Variants in PLAA observed in about 807,000 individuals in gnomAD.
PLAA encodes phospholipase A2 activating protein, also known as phospholipase A-2-activating protein.
A neutral mutation model predicts 84.1 loss-of-function variants in PLAA; 48 were observed. That is an observed-to-expected ratio of 0.57 (90% CI 0.45 to 0.73). The LOEUF (loss-of-function observed/expected upper bound fraction) is 0.73. Ranked by LOEUF, PLAA falls within the 30% of genes least tolerant of loss-of-function variation. The pLI, the probability that PLAA is intolerant of heterozygous loss-of-function variation, is 0.00. For synonymous variants in PLAA, 392 were observed against 336.6 expected, an observed-to-expected ratio of 1.16 and a Z score of -1.80; for missense variants, 903 against 954.7, an observed-to-expected ratio of 0.95 and a Z score of 0.71.
At chr9:26,921,218 T>C (rs2131382943) in intron 7 of PLAA, among the ~76,000 whole-genome samples, 1 of 152,322 alleles carries the variant, frequency 6.6e-6, no homozygotes, top group Non-Finnish European at 1.5e-5. Flanking sequence ...ATTTGCTCCT[T>C]TCCCTCTTTA....
intron 10 of PLAA, 23 bp from the exon 11 acceptor site, chr9:26,913,970 G>C: frequency 6.6e-7 from 1 of 1,523,018 alleles, no homozygotes; most frequent in Non-Finnish European, 9.1e-7. Context: ...AATACTCCTA[G>C]TAAGCAAAGG....
chr9:26,945,467 T>C (rs1175677286), intron 1 of PLAA, among the ~76,000 whole-genome samples: 1 of 152,234 alleles, frequency 6.6e-6, no homozygotes, highest in Non-Finnish European at 1.5e-5. Context: ...GTTAGATCTT[T>C]AGAGATCATC....
At chr9:26,920,117 G>T in intron 8 of PLAA, 110 bp downstream of exon 8, 3 of 805,288 alleles carry the variant, frequency 3.7e-6, no homozygotes, top group Non-Finnish European at 5.9e-6. Flanking sequence ...CCACAGTAAT[G>T]GATTTTTAAA....
At chr9:26,927,274 C>G (rs1043359476) in intron 4 of PLAA, among the ~76,000 whole-genome samples, 1 of 151,908 alleles carries the variant, frequency 6.6e-6, no homozygotes, top group Non-Finnish European at 1.5e-5. Context: ...GTGTGCATCA[C>G]CACTCCTGGC....
At chr9:26,945,041 C>T (rs1275056058) in intron 1 of PLAA, among the ~76,000 whole-genome samples, 1 of 152,096 alleles carries the variant, frequency 6.6e-6, no homozygotes, top group African/African-American at 2.4e-5. Flanking sequence ...GCAAGAGAAT[C>T]GCTTGAACCC....
At chr9:26,928,939 T>C (rs1387553587) in intron 2 of PLAA, among the ~76,000 whole-genome samples, 1 of 152,234 alleles carries the variant, frequency 6.6e-6, no homozygotes, top group East Asian at 1.9e-4. Flanking sequence ...GGCTCACACC[T>C]GTAATCCCTG....
intron 1 of PLAA, among the ~76,000 whole-genome samples, chr9:26,946,608 C>T (rs1310991384): frequency 2.6e-5 from 4 of 151,582 alleles, no homozygotes; most frequent in African/African-American, 9.7e-5. Context: ...CTAAAAGAAA[C>T]TTGGGAGATC....
Position 26,939,310 on chromosome 9 carries a change from C to T in PLAA, c.150-4104G>A, listed in dbSNP as rs1032452232. ...GGCTGAGGCAGGAGAATGGCGTGAA[C>T]CCAAGAGGTGGAGCTTGCAGTGAGC... On this transcript the variant is annotated intron_variant, in intron 1 of 13. Coordinates refer to ENST00000397292, the MANE Select transcript of PLAA (RefSeq NM_001031689.3). Among the ~76,000 whole-genome samples, 9 of 152,086 alleles carry T rather than the reference C, an allele frequency of 5.9e-5. No individual in the cohort carries two copies. In the South Asian group the frequency reaches 1.9e-3, roughly 32 times the overall value.
chr9:26,903,951 C>T lies in PLAA; in HGVS notation c.*1560G>A, dbSNP rs1357871886. On this transcript the variant is annotated 3_prime_UTR_variant, in exon 14 of 14. Transcript: ENST00000397292. ...AAGCAGTGTATTGTAAAGGAACCAG[C>T]CAGACCTGGGTTAAATTCCTAATTT... is the stretch of plus-strand genomic sequence containing the variant. The T allele has an allele frequency of 6.5e-6, 1 of 153,676 alleles. No individual in the cohort carries two copies. The highest frequency in any genetic ancestry group is 1.5e-5 in the Non-Finnish European group (1 of 68,018). 9.5% of individuals were successfully genotyped at this position (153,676 alleles called of 1,614,324 possible). A position where few individuals can be genotyped will look rare whatever the true frequency, so the allele number is the denominator to read the frequency against.
rs921947366 is a variant in PLAA, at chr9:26,904,604, A to G, written c.*907T>C. ...CATTTAAAGGGGTTTTAAGGATTAA[A>G]TATCAGTGTGTCTACTATTCTGCCT... On this transcript the variant is annotated 3_prime_UTR_variant, in exon 14 of 14. Transcript: ENST00000397292. 2.6e-5 allele frequency: 4 copies of G among 152,152 alleles called. No homozygotes were observed. Among genetic ancestry groups the G allele is most frequent in the Admixed American group, 1.3e-4 (2 of 15,278 alleles). 9.4% of individuals were successfully genotyped at this position (152,152 alleles called of 1,614,324 possible).
chr9:26,935,192 A>G lies in PLAA; in HGVS notation c.164T>C (p.Phe55Ser). ...LWAPDSPNRS[F>S]TEMHCMSGHS... ...GCCACTCATACAGTGCATTTCTGTA[A>G]AGCTCCTGTTTGGACTGGAAAGACA... Residue 55 changes from phenylalanine to serine, a missense_variant, in exon 2 of 14, where the codon TTT (phenylalanine) becomes TCT (serine). Transcript: ENST00000397292. The G allele has an allele frequency of 6.4e-7, 1 of 1,569,062 alleles. No homozygotes were observed. The highest frequency in any genetic ancestry group is 8.6e-7 in the Non-Finnish European group (1 of 1,163,826).
chr9:26,937,456 TAGATTA>T (rs1212299390), intron 1 of PLAA, among the ~76,000 whole-genome samples: 1 of 152,132 alleles, frequency 6.6e-6, no homozygotes, highest in Non-Finnish European at 1.5e-5. Flanking sequence ...GTTATATTAT[TAGATTA>T]AATGTTCACT....
intron 6 of PLAA, among the ~76,000 whole-genome samples, chr9:26,924,487 G>A (rs904572736): frequency 2.6e-5 from 4 of 151,874 alleles, no homozygotes; most frequent in Admixed American, 2.0e-4. Context: ...ATGATCCTTC[G>A]TCCATCTCCT....
chr9:26,937,123 C>T (rs1442196843), intron 1 of PLAA, among the ~76,000 whole-genome samples: 2 of 151,532 alleles, frequency 1.3e-5, no homozygotes, highest in Non-Finnish European at 2.9e-5. Context: ...CCTGGGGGGA[C>T]AACAGCAAGA....
intron 2 of PLAA, among the ~76,000 whole-genome samples, chr9:26,933,678 A>G (rs1342008739): frequency 6.7e-6 from 1 of 148,752 alleles, no homozygotes; most frequent in Non-Finnish European, 1.5e-5. Context: ...AGTCCCAGCT[A>G]CTCGGCAGGC....
chr9:26,938,766 C>T lies in PLAA; in HGVS notation c.150-3560G>A, dbSNP rs558272141. Among the ~76,000 whole-genome samples, 3 of 152,158 alleles carry T rather than the reference C, an allele frequency of 2.0e-5. No homozygotes were observed. In the East Asian group the frequency reaches 5.8e-4, roughly 29 times the overall value. On this transcript the variant is annotated intron_variant, in intron 1 of 13. Coordinates refer to ENST00000397292, the MANE Select transcript of PLAA (RefSeq NM_001031689.3). ...TTTCTATGTCATTTAAGAAACATTA[C>T]ATTAAAAAAATTAGCCTAAAAGCTA...
At chr9:26,922,266 GT>G (rs776925414) in intron 7 of PLAA, among the ~76,000 whole-genome samples, 5 of 146,534 alleles carry the variant, frequency 3.4e-5, no homozygotes, top group Admixed American at 6.8e-5. Context: ...ATGGCAAACT[GT>G]TTTTTTTTGT....
At chr9:26,919,566 T>A (rs766133890) in intron 8 of PLAA, 37 bp from the exon 9 acceptor site, 60 of 1,092,774 alleles carry the variant, frequency 5.5e-5, no homozygotes, top group Non-Finnish European at 8.1e-5. Context: ...ACATGCTTAT[T>A]ATCTGTTCAC....
At chr9:26,939,160 C>A (rs568707560) in intron 1 of PLAA, among the ~76,000 whole-genome samples, 2 of 151,946 alleles carry the variant, frequency 1.3e-5, no homozygotes, top group Non-Finnish European at 1.5e-5. Flanking sequence ...AGGCTGAGGC[C>A]GGCGGATCAC....
Sources: allele counts gnomAD v4.1 joint callset (sites outside exome capture counted in the v4.1 genomes callset), GRCh38; gene constraint gnomAD v4.1.1; transcripts MANE v1.5; gene names NCBI Gene and HGNC (gene_info 2026-07-23, HGNC 2026-07-21).